The following ADARB2 variants were observed in gnomAD, a reference collection of about 807,000 sequenced individuals.
The protein encoded by ADARB2 is adenosine deaminase RNA specific B2 (inactive).
ADARB2 carries 25 observed loss-of-function variants against 62.2 expected under a neutral mutation model. The observed-to-expected ratio is 0.40, with a 90% CI of 0.29 to 0.56. The LOEUF (loss-of-function observed/expected upper bound fraction) is 0.56. Ranked by LOEUF, ADARB2 falls within the 20% of genes least tolerant of loss-of-function variation. The pLI, the probability that ADARB2 is intolerant of heterozygous loss-of-function variation, is 0.43. For synonymous variants in ADARB2, 572 were observed against 500.8 expected, an observed-to-expected ratio of 1.14 and a Z score of -1.90; for missense variants, 1,071 against 1,077.4, an observed-to-expected ratio of 0.99 and a Z score of 0.08.
chr10:1,249,344 A>T (rs1233454391), intron 4 of ADARB2, among the ~76,000 whole-genome samples: 2 of 150,494 alleles, frequency 1.3e-5, no homozygotes, highest in Non-Finnish European at 2.9e-5. Flanking sequence ...TGAGAGACTG[A>T]GGTGGGAGGA....
intron 4 of ADARB2, among the ~76,000 whole-genome samples, chr10:1,253,699 C>T (rs981919539): frequency 5.9e-5 from 9 of 152,178 alleles, no homozygotes; most frequent in Admixed American, 2.6e-4. Flanking sequence ...GGGACACCTT[C>T]TCAGAGGATG....
chr10:1,646,307 G>A (rs893502802), intron 1 of ADARB2, among the ~76,000 whole-genome samples: 46 of 152,230 alleles, frequency 3.0e-4, no homozygotes, highest in Non-Finnish European at 4.3e-4. Context: ...TGGCATGAAA[G>A]CTCAAGCCCC....
rs1166835304 is a variant in ADARB2, at chr10:1,306,668, A to G, written c.1078-35599T>C. Among the ~76,000 whole-genome samples, 5 of 121,752 alleles carry G rather than the reference A, an allele frequency of 4.1e-5. No homozygotes were observed. In the South Asian group the frequency reaches 1.2e-3, roughly 30 times the overall value. 79.9% of individuals were successfully genotyped at this position (121,752 alleles called of 152,430 possible). A position where few individuals can be genotyped will look rare whatever the true frequency, so the allele number is the denominator to read the frequency against. On this transcript the variant is annotated intron_variant, in intron 3 of 9. Transcript: ENST00000381312. ...TACCTGACTTCAAACTATACTACAA[A>G]GCTACAGTAACCAAAACAGCATGGT... is the stretch of plus-strand genomic sequence containing the variant.
Position 1,315,597 on chromosome 10 carries a change from A to C in ADARB2, c.1078-44528T>G, listed in dbSNP as rs75421759. 7.6e-3 allele frequency among the ~76,000 whole-genome samples: 1,160 copies of C among 152,366 alleles called. 20 individuals carry two copies. Among genetic ancestry groups the C allele is most frequent in the African/African-American group, 0.025 (1,060 of 41,596 alleles). ...TCAGAGGGGCTCCTCGGAAGCCAGG[A>C]AGGGAGGTGCCGTGGTTGCTCCCAC... On this transcript the variant is annotated intron_variant, in intron 3 of 9. Transcript: ENST00000381312.
At chr10:1,644,229 A>T (rs1172730213) in intron 1 of ADARB2, among the ~76,000 whole-genome samples, 2 of 152,240 alleles carry the variant, frequency 1.3e-5, no homozygotes, top group Non-Finnish European at 2.9e-5. Context: ...TCCAGGCTGC[A>T]GCCGCATTTG....
intron 1 of ADARB2, among the ~76,000 whole-genome samples, chr10:1,544,619 G>A (rs1249597704): frequency 3.9e-5 from 6 of 152,108 alleles, no homozygotes; most frequent in Non-Finnish European, 2.9e-5. Context: ...GTACAGGGGC[G>A]GGAATGGATG....
At chr10:1,545,453 G>A (rs182359201) in intron 1 of ADARB2, among the ~76,000 whole-genome samples, 28 of 152,296 alleles carry the variant, frequency 1.8e-4, no homozygotes, top group African/African-American at 6.3e-4. Flanking sequence ...ACAGAAATGA[G>A]AATGGATTTC....
At chr10:1,485,119 T>C (rs987908968) in intron 1 of ADARB2, among the ~76,000 whole-genome samples, 4 of 152,146 alleles carry the variant, frequency 2.6e-5, no homozygotes, top group African/African-American at 7.2e-5. Flanking sequence ...TGCATGTAGA[T>C]ACCTGTGTAG....
At chr10:1,295,154 C>T (rs924935417) in intron 3 of ADARB2, among the ~76,000 whole-genome samples, 4 of 152,142 alleles carry the variant, frequency 2.6e-5, no homozygotes, top group Non-Finnish European at 4.4e-5. Context: ...GAGGTCATGG[C>T]GTTATGTCTG....
chr10:1,683,255 A>G (rs1334752105), intron 1 of ADARB2, among the ~76,000 whole-genome samples: 2 of 152,170 alleles, frequency 1.3e-5, no homozygotes, highest in Non-Finnish European at 2.9e-5. Flanking sequence ...TCTTGGTTCT[A>G]AATTAAATCT....
At chr10:1,288,839 T>C (rs950098277) in intron 3 of ADARB2, among the ~76,000 whole-genome samples, 1 of 152,184 alleles carries the variant, frequency 6.6e-6, no homozygotes, top group African/African-American at 2.4e-5. Context: ...CACTCTGACA[T>C]GTGACGCGGT....
intron 1 of ADARB2, among the ~76,000 whole-genome samples, chr10:1,686,268 C>T (rs915578475): frequency 3.3e-5 from 5 of 152,216 alleles, no homozygotes; most frequent in African/African-American, 1.2e-4. Context: ...CGGGGGTTCT[C>T]TGTGGCTTGG....
rs568794174 is a variant in ADARB2 at position 1,193,885 on chromosome 10, A to G, written c.1864+6081T>C. On this transcript the variant is annotated intron_variant, in intron 8 of 9. Coordinates refer to ENST00000381312, the MANE Select transcript of ADARB2 (RefSeq NM_018702.4). ...AAGATTTTTTTGGTCTCTGTTTTTC[A>G]GCAATTTAACCACTGAGATGAGAAT... Among the ~76,000 whole-genome samples the G allele has an allele frequency of 2.6e-5, 4 of 152,166 alleles. No individual in the cohort carries two copies. The South Asian group carries it at 8.3e-4, about 32-fold the overall frequency.
intron 1 of ADARB2, among the ~76,000 whole-genome samples, chr10:1,525,578 C>T (rs989958896): frequency 1.3e-5 from 2 of 152,018 alleles, no homozygotes; most frequent in African/African-American, 4.8e-5. Context: ...GTTTTCCTGT[C>T]GGCTCTGTGG....
At chr10:1,218,801 T>A (rs969273525) in intron 6 of ADARB2, among the ~76,000 whole-genome samples, 5 of 151,886 alleles carry the variant, frequency 3.3e-5, no homozygotes, top group South Asian at 2.1e-4. Context: ...TCCCAGCACT[T>A]TGGGAGGCAG....
chr10:1,611,126 G>A (rs985096348), intron 1 of ADARB2, among the ~76,000 whole-genome samples: 2 of 152,168 alleles, frequency 1.3e-5, no homozygotes, highest in Non-Finnish European at 2.9e-5. Flanking sequence ...GGAGGGGGAG[G>A]AAACCTTCCC....
At chr10:1,262,973 C>T (rs1831157245) in intron 4 of ADARB2, among the ~76,000 whole-genome samples, 1 of 151,888 alleles carries the variant, frequency 6.6e-6, no homozygotes, top group African/African-American at 2.4e-5. Flanking sequence ...AAGTCTATGT[C>T]CTTTGTAGGG....
chr10:1,677,621 T>G (rs1009493018), intron 1 of ADARB2, among the ~76,000 whole-genome samples: 2 of 152,308 alleles, frequency 1.3e-5, no homozygotes, highest in East Asian at 3.9e-4. Context: ...ATCATGGATT[T>G]GGAGCTCAAG....
intron 3 of ADARB2, among the ~76,000 whole-genome samples, chr10:1,354,097 T>C (rs144063039): frequency 0.063 from 9,580 of 152,210 alleles, 337 homozygotes; most frequent in South Asian, 0.1. Context: ...CCCCTAATCC[T>C]GCTTGAAGCA....
Sources: allele counts gnomAD v4.1 joint callset (sites outside exome capture counted in the v4.1 genomes callset), GRCh38; gene constraint gnomAD v4.1.1; transcripts MANE v1.5; gene names NCBI Gene and HGNC (gene_info 2026-07-23, HGNC 2026-07-21).